Variants in ZBTB37 observed in about 807,000 individuals in gnomAD.
The protein encoded by ZBTB37 is zinc finger and BTB domain containing 37.
In ZBTB37, 15 loss-of-function variants were observed where a neutral mutation model predicts 37.7. The ratio of observed to expected loss-of-function variants is 0.40; its 90% CI spans 0.27 to 0.61. The LOEUF is 0.61. Ranked by LOEUF, ZBTB37 falls within the 20% of genes least tolerant of loss-of-function variation. ZBTB37 has a pLI of 0.44. For synonymous variants in ZBTB37, 231 were observed against 220.6 expected (o/e 1.05, Z -0.42); for missense variants, 514 against 641.9 (o/e 0.80, Z 2.15).
chr1:173,870,073 G>C, intron 2 of ZBTB37, 127 bp from the exon 3 acceptor site: 1 of 623,502 alleles, frequency 1.6e-6, no homozygotes, highest in South Asian at 2.6e-5. Context: ...ATATAAGGAA[G>C]GTATTTCTTT....
At chr1:173,903,477 CTTTAT>C (rs1472752668) in exon 4 of ZBTB37, 6 of 182,610 alleles carry the variant, frequency 3.3e-5, no homozygotes, top group Non-Finnish European at 5.8e-5. Context: ...GCATTTTCCC[CTTTAT>C]TTTAACACTG....
At chr1:173,873,762 G>A (rs1655725110) in intron 4 of ZBTB37, 196 bp downstream of exon 4, 1 of 846,738 alleles carries the variant, frequency 1.2e-6, no homozygotes, top group Non-Finnish European at 1.7e-6. Context: ...AAGGAAAATT[G>A]CAGACTGGTA....
chr1:173,898,461 C>CAAAAAA (rs1215063050), exon 4 of ZBTB37: 1 of 90,356 alleles, frequency 1.1e-5, no homozygotes, highest in African/African-American at 4.3e-5. Context: ...GACTCCATCT[C>CAAAAAA]AAAAAAAAAA....
exon 4 of ZBTB37, chr1:173,895,411 T>A (rs1657006609): frequency 6.6e-6 from 1 of 152,184 alleles, no homozygotes; most frequent in African/African-American, 2.4e-5. Flanking sequence ...CCCGGAAAGC[T>A]TACTATTAAA....
intron 4 of ZBTB37, among the ~76,000 whole-genome samples, chr1:173,883,878 A>G (rs961151079): frequency 1.3e-5 from 2 of 152,196 alleles, no homozygotes; most frequent in Non-Finnish European, 2.9e-5. Context: ...TATAGTGTCT[A>G]TCTTAGGGGA....
exon 5 of ZBTB37, chr1:173,886,146 G>C (rs773778006): frequency 6.5e-7 from 1 of 1,540,870 alleles, no homozygotes; most frequent in South Asian, 1.2e-5. Flanking sequence ...GGAGGGGGCT[G>C]ACCCTCTTCC....
exon 4 of ZBTB37, chr1:173,898,640 T>C (rs1397861186): frequency 2.7e-5 from 4 of 150,004 alleles, no homozygotes; most frequent in African/African-American, 1.0e-4. Context: ...ATTGTCATAA[T>C]AGTCATGATG....
At chr1:173,894,605 A>G (rs1260882035) in exon 4 of ZBTB37, 1 of 152,198 alleles carries the variant, frequency 6.6e-6, no homozygotes, top group East Asian at 1.9e-4. Context: ...TAGTCAACTT[A>G]AAGGCCAGGC....
At chr1:173,875,657 T>C (rs918431111) in intron 4 of ZBTB37, among the ~76,000 whole-genome samples, 1 of 151,888 alleles carries the variant, frequency 6.6e-6, no homozygotes, top group African/African-American at 2.4e-5. Context: ...AAATTGCTTA[T>C]GCTTTTTTTT....
intron 4 of ZBTB37, among the ~76,000 whole-genome samples, chr1:173,880,954 CTT>C (rs200355664): frequency 2.1e-5 from 3 of 142,732 alleles, no homozygotes; most frequent in African/African-American, 2.6e-5. Context: ...CTTTTTTTCT[CTT>C]TTTTTTTTTT....
At chr1:173,890,983 C>T (rs1192405723), downstream of ZBTB37, 1 of 152,180 alleles carries the variant, frequency 6.6e-6, no homozygotes, top group Non-Finnish European at 1.5e-5. Flanking sequence ...GTTTTAAATT[C>T]ATGTTGTCAC....
chr1:173,894,447 CTT>C (rs1327953662), exon 4 of ZBTB37: 1 of 152,140 alleles, frequency 6.6e-6, no homozygotes, highest in Non-Finnish European at 1.5e-5. Context: ...ATACCTGACA[CTT>C]TGGTGGGGAG....
exon 4 of ZBTB37, chr1:173,898,786 C>T (rs1006697308): frequency 3.9e-5 from 6 of 152,166 alleles, no homozygotes; most frequent in African/African-American, 1.4e-4. Context: ...TGAGCCAAGT[C>T]AACTTGTCCA....
At chr1:173,870,976 G>C (rs778197080) in exon 3 of ZBTB37, 1 of 1,614,236 alleles carries the variant, frequency 6.2e-7, no homozygotes, top group Non-Finnish European at 8.5e-7. Context: ...TGAAAATCTG[G>C]AGGAGTGGCT....
chr1:173,875,148 GTGTGTGTGTGT>G (rs1272820266), intron 4 of ZBTB37, among the ~76,000 whole-genome samples: 6 of 149,604 alleles, frequency 4.0e-5, no homozygotes, highest in South Asian at 2.1e-4. Flanking sequence ...GTGTGTGTGT[GTGTGTGTGTGT>G]GCACGTGTGT....
chr1:173,889,166 G>C (rs1023500316), downstream of ZBTB37: 30 of 152,310 alleles, frequency 2.0e-4, 1 homozygote, highest in Admixed American at 1.9e-3. Context: ...TTCGTTAAAA[G>C]AGATGTTGTT....
intron 3 of ZBTB37, among the ~76,000 whole-genome samples, chr1:173,872,066 T>C (rs1655602251): frequency 6.6e-6 from 1 of 152,148 alleles, no homozygotes; most frequent in Admixed American, 6.6e-5. Context: ...GTCTTTTTAT[T>C]TTATTTTATT....
intron 4 of ZBTB37, among the ~76,000 whole-genome samples, chr1:173,875,973 A>G (rs912282350): frequency 2.6e-5 from 4 of 151,968 alleles, no homozygotes; most frequent in Admixed American, 6.5e-5. Flanking sequence ...ACACATTTTT[A>G]TGTGTGTTTG....
chr1:173,871,185 C>T (rs1316557769), intron 3 of ZBTB37, 37 bp downstream of exon 3: 3 of 1,528,548 alleles, frequency 2.0e-6, no homozygotes, highest in Admixed American at 2.0e-5. Context: ...CATGTAATGG[C>T]TATTGTGTAG....
Sources: gnomAD v4.1 joint callset for allele counts (sites outside exome capture counted in the v4.1 genomes callset) on GRCh38, gnomAD v4.1.1 for gene constraint, MANE v1.5 for transcripts, NCBI Gene and HGNC (gene_info 2026-07-23, HGNC 2026-07-21) for gene names.